Variants in CLGN observed in about 807,000 individuals in gnomAD.
CLGN encodes the protein calmegin, also known as testis tissue sperm-binding protein Li 79P.
CLGN carries 62 observed loss-of-function variants against 79.1 expected under a neutral mutation model. The observed-to-expected ratio is 0.78, with a 90% CI of 0.64 to 0.97. CLGN has a LOEUF of 0.97. Among genes scored for constraint, CLGN ranks in the 50% least tolerant of loss-of-function variants. CLGN has a pLI of 0.00. For synonymous variants in CLGN, 225 were observed against 224.7 expected, an observed-to-expected ratio of 1.00 and a Z score of -0.01; for missense variants, 647 against 715.5, an observed-to-expected ratio of 0.90 and a Z score of 1.09.
chr4:140,424,380 A>G (rs1467603321), intron 1 of CLGN, among the ~76,000 whole-genome samples: 1 of 152,158 alleles, frequency 6.6e-6, no homozygotes, highest in Non-Finnish European at 1.5e-5. Flanking sequence ...CTTACTTTGT[A>G]TGATTTCAAT....
At chr4:140,392,098 G>T in intron 13 of CLGN, 121 bp downstream of exon 13, 1 of 1,170,018 alleles carries the variant, frequency 8.5e-7, no homozygotes, top group Non-Finnish European at 1.2e-6. Flanking sequence ...ACATATTCTT[G>T]GGAGATTCAG....
At chr4:140,395,764 G>C in intron 10 of CLGN, 55 bp downstream of exon 10, 1 of 1,320,160 alleles carries the variant, frequency 7.6e-7, no homozygotes, top group Non-Finnish European at 9.8e-7. Flanking sequence ...TATTTAAATA[G>C]AAAAGATCAC....
chr4:140,390,863 C>CA (rs1728759806), intron 13 of CLGN, 135 bp from the exon 14 acceptor site: 1 of 428,572 alleles, frequency 2.3e-6, no homozygotes, highest in East Asian at 4.1e-5. Context: ...TTCTTCCATT[C>CA]AAAATTTTAA....
rs199759240 is a variant in CLGN at position 140,389,266 on chromosome 4, C to T, written c.1791G>A (p.Gly597=). 1.2e-6 allele frequency: 2 copies of T among 1,612,288 alleles called. No homozygotes were observed. The highest frequency in any genetic ancestry group is 8.5e-7 in the Non-Finnish European group (1 of 1,178,864). Residue 597 remains glycine, a synonymous_variant, in exon 15 of 15, where the codon GGG becomes GGA. Transcript: ENST00000325617. ...EADESTGSGD[G]PIKSVRKRRV... ...TTCTTTTGCGTACTGACTTTATCGG[C>T]CCATCTCCAGATCCTGTGCTCTCAT...
chr4:140,412,989 G>A lies in CLGN; in HGVS notation c.90C>T (p.Asp30=). The A allele has an allele frequency of 6.2e-7, 1 of 1,613,472 alleles. No individual in the cohort carries two copies. Among genetic ancestry groups the A allele is most frequent in the Non-Finnish European group, 8.5e-7 (1 of 1,179,684 alleles). Residue 30 remains aspartate (D), a synonymous_variant, in exon 2 of 15, where the codon GAC becomes GAT. Coordinates refer to ENST00000325617, the MANE Select transcript of CLGN (RefSeq NM_004362.3). ...CAATTTCTTCTGAATTTTCTTCAAA[G>A]TCTTCCGTCTCAACATCATCATCCA... ...EFMDDDVETE[D]FEENSEEIDV...
chr4:140,392,479 C>CT, intron 12 of CLGN, 101 bp from the exon 13 acceptor site: 1 of 1,486,126 alleles, frequency 6.7e-7, no homozygotes, highest in Non-Finnish European at 9.0e-7. Context: ...ATCAGTAAAA[C>CT]TTATGAGACA....
At chr4:140,421,121 A>G (rs981294375) in intron 1 of CLGN, among the ~76,000 whole-genome samples, 2 of 152,144 alleles carry the variant, frequency 1.3e-5, no homozygotes, top group Admixed American at 1.3e-4. Context: ...ATGTTGTAGC[A>G]TGTATCAAAT....
At position 140,393,992 on chromosome 4, in the gene CLGN, T is replaced by A; in HGVS notation, c.1199A>T (p.Asp400Val). 1.2e-6 allele frequency: 2 copies of A among 1,613,720 alleles called. No homozygotes were observed. Among genetic ancestry groups the A allele is most frequent in the South Asian group, 1.1e-5 (1 of 91,046 alleles). Reference sequence around the variant, plus strand: ...GAAAGAAGTCAGAAGAAATGGATGATCATCTTCGAAATAATCTGGATTAGG... The same window carrying A: ...GAAAGAAGTCAGAAGAAATGGATGAACATCTTCGAAATAATCTGGATTAGG... ...KIPNPDYFED[D>V]HPFLLTSFSA... Residue 400 changes from aspartate to valine, a missense_variant, in exon 11 of 15, where the codon GAT becomes GTT. Transcript: ENST00000325617.
intron 1 of CLGN, among the ~76,000 whole-genome samples, chr4:140,417,466 C>CA (rs1473039228): frequency 0.057 from 7,719 of 134,996 alleles, 179 homozygotes; most frequent in Middle Eastern, 0.11. Context: ...TGTCTCAGCC[C>CA]AAAATCTCCT....
At chr4:140,409,806 G>T (rs973847452) in intron 4 of CLGN, 31 bp downstream of exon 4, 1 of 1,449,968 alleles carries the variant, frequency 6.9e-7, no homozygotes, top group Non-Finnish European at 9.6e-7. Context: ...GGCCATACTG[G>T]TTATATCTAA....
chr4:140,413,876 G>C (rs1729267115), intron 1 of CLGN, among the ~76,000 whole-genome samples: 2 of 152,388 alleles, frequency 1.3e-5, no homozygotes, highest in African/African-American at 2.4e-5. Flanking sequence ...AGGCCTGCCT[G>C]CCTCTGTAGG....
chr4:140,402,112 C>G (rs776118743), intron 5 of CLGN, 46 bp from the exon 6 acceptor site: 2 of 964,730 alleles, frequency 2.1e-6, no homozygotes, highest in Non-Finnish European at 1.6e-6. Flanking sequence ...ATAAAATTTA[C>G]TAGTTGCTCT....
At chr4:140,426,676 G>A (rs957712122) in intron 1 of CLGN, 5 of 152,254 alleles carry the variant, frequency 3.3e-5, no homozygotes, top group East Asian at 3.8e-4. Context: ...TCTAATTTGA[G>A]ACTTCTTCCT....
chr4:140,425,429 G>GGTGTGTGTGTGTGT (rs754897067), intron 1 of CLGN, among the ~76,000 whole-genome samples: 8 of 116,950 alleles, frequency 6.8e-5, no homozygotes, highest in East Asian at 2.6e-4. Context: ...GAATCAATAG[G>GGTGTGTGTGTGTGT]GTGTGTGTGT....
chr4:140,404,385 G>A (rs940732853), intron 5 of CLGN, among the ~76,000 whole-genome samples: 1 of 152,088 alleles, frequency 6.6e-6, no homozygotes, highest in South Asian at 2.1e-4. Context: ...GAAGCACTGC[G>A]CCAGGCCTTT....
At chr4:140,400,757 C>T (rs1728985631) in intron 6 of CLGN, among the ~76,000 whole-genome samples, 1 of 152,078 alleles carries the variant, frequency 6.6e-6, no homozygotes, top group Admixed American at 6.6e-5. Context: ...ACACTACTTC[C>T]TGACGATGTG....
At chr4:140,406,189 G>T (rs1361070554) in intron 4 of CLGN, 106 bp from the exon 5 acceptor site, 3 of 1,101,476 alleles carry the variant, frequency 2.7e-6, no homozygotes, top group Non-Finnish European at 2.6e-6. Context: ...GCCTGACTTG[G>T]GAAAAATAAA....
At chr4:140,423,787 T>A (rs1031404839) in intron 1 of CLGN, among the ~76,000 whole-genome samples, 14 of 152,196 alleles carry the variant, frequency 9.2e-5, no homozygotes, top group Admixed American at 5.2e-4. Flanking sequence ...CCATTTAATC[T>A]AGGTTATCCA....
At chr4:140,427,234 G>T (rs1727472313) in intron 1 of CLGN, among the ~76,000 whole-genome samples, 1 of 152,142 alleles carries the variant, frequency 6.6e-6, no homozygotes, top group African/African-American at 2.4e-5. Flanking sequence ...AGCTGTCCCC[G>T]TGCTCGTCCG....
Sources: gnomAD v4.1 joint callset for allele counts (sites outside exome capture counted in the v4.1 genomes callset) on GRCh38, gnomAD v4.1.1 for gene constraint, MANE v1.5 for transcripts, NCBI Gene and HGNC (gene_info 2026-07-23, HGNC 2026-07-21) for gene names.